The following LRP8 variants were observed in gnomAD, a reference collection of about 807,000 sequenced individuals.
LRP8 encodes the protein low-density lipoprotein receptor-related protein 8.
In LRP8, 46 loss-of-function variants were observed where a neutral mutation model predicts 111.6. The ratio of observed to expected loss-of-function variants is 0.41; its 90% CI spans 0.33 to 0.53. The LOEUF is 0.53. Ranked by LOEUF, LRP8 falls within the 20% of genes least tolerant of loss-of-function variation. The pLI is 0.20. For synonymous variants in LRP8, 464 were observed against 511.2 expected, an observed-to-expected ratio of 0.91 and a Z score of 1.24; for missense variants, 959 against 1,297.4, an observed-to-expected ratio of 0.74 and a Z score of 4.01.
At position 53,249,594 on chromosome 1, in the gene LRP8, C is replaced by T; in HGVS notation, c.2677-38G>A. ...TGGCACTGTGGATGACCTCTGAGGT[C>T]ACACTCAGCCCCCTGACTGTGCTGT... On this transcript the variant is annotated intron_variant, in intron 17 of 18. Coordinates refer to ENST00000306052, the MANE Select transcript of LRP8 (RefSeq NM_004631.5). This position sits in a 1 kb window ranked among gnomAD's most constrained non-coding sequence, Gnocchi z 4.1. 1 of 1,538,482 alleles carries T rather than the reference C, an allele frequency of 6.5e-7. No homozygotes were observed. Among genetic ancestry groups the T allele is most frequent in the Non-Finnish European group, 8.8e-7 (1 of 1,141,882 alleles).
intron 1 of LRP8, chr1:53,327,529 G>C (rs1186787363): frequency 1.4e-4 from 58 of 404,900 alleles, no homozygotes; most frequent in East Asian, 8.8e-5. Flanking sequence ...CCGCCCCTCC[G>C]GCAAAGTTCC....
rs534498405 is a variant in LRP8, at chr1:53,303,916, T to G, written c.245-14227A>C. On this transcript the variant is annotated intron_variant, in intron 2 of 18. Coordinates refer to ENST00000306052, the MANE Select transcript of LRP8 (RefSeq NM_004631.5). The surrounding 1 kb of genome is among the most constrained non-coding windows in gnomAD (Gnocchi z 4.3). ...AGGGAAATAAGCTCTCAACAGGAGA[T>G]CCCCACTTTGTACAAATGGATTTTT... Among the ~76,000 whole-genome samples the G allele has an allele frequency of 9.7e-4, 147 of 152,238 alleles. No individual in the cohort carries two copies. Among genetic ancestry groups the G allele is most frequent in the African/African-American group, 3.4e-3 (141 of 41,538 alleles).
intron 2 of LRP8, among the ~76,000 whole-genome samples, chr1:53,311,309 A>G (rs930545752): frequency 5.9e-5 from 9 of 152,076 alleles, no homozygotes; most frequent in Non-Finnish European, 1.0e-4. Flanking sequence ...GGACAGGGGC[A>G]TGGGCACGGC....
intron 2 of LRP8, among the ~76,000 whole-genome samples, chr1:53,324,068 A>G (rs1433731435): frequency 6.6e-6 from 1 of 152,210 alleles, no homozygotes; most frequent in African/African-American, 2.4e-5. Context: ...AGAGATGTAC[A>G]AAGGTGGGGC....
In LRP8 at chr1:53,266,444, G is replaced by A. The variant is rs745477746; in HGVS notation, c.1427+29C>T. 5.0e-6 allele frequency: 8 copies of A among 1,608,418 alleles called. No individual in the cohort carries two copies. In the African/African-American group the frequency reaches 5.3e-5, roughly 11 times the overall value. ...ACCACCCCTCACCCCCACTCTTCAT[G>A]CCTTGCTGCAGAGGATATGGCCGCT... On this transcript the variant is annotated intron_variant, in intron 9 of 18. Coordinates refer to ENST00000306052, the MANE Select transcript of LRP8 (RefSeq NM_004631.5). The surrounding 1 kb of genome is among the most constrained non-coding windows in gnomAD (Gnocchi z 5.0).
In LRP8 at chr1:53,305,609, T is replaced by G. The variant is rs191958572; in HGVS notation, c.245-15920A>C. The stretch of plus-strand genomic sequence containing the variant: ...ACCTGGCAGCCAGCGGGGCTCACAG[T>G]GCAGGCTACTTCAGAAGCCTCGTCC... On this transcript the variant is annotated intron_variant, in intron 2 of 18. Transcript: ENST00000306052. 2.1e-4 allele frequency among the ~76,000 whole-genome samples: 32 copies of G among 152,320 alleles called. No individual in the cohort carries two copies. The East Asian group carries it at 6.0e-3, about 28-fold the overall frequency.
At chr1:53,257,610 AT>A in intron 14 of LRP8, 146 bp from the exon 15 acceptor site, 1 of 637,738 alleles carries the variant, frequency 1.6e-6, no homozygotes, top group Non-Finnish European at 2.8e-6. Context: ...CCAGTGGGCT[AT>A]GATCTTTTCT....
intron 2 of LRP8, among the ~76,000 whole-genome samples, chr1:53,301,459 C>T (rs1400597214): frequency 2.6e-5 from 4 of 152,172 alleles, no homozygotes; most frequent in African/African-American, 4.8e-5. Context: ...TGGTGGCGCA[C>T]GCCTGTAATG....
chr1:53,281,843 A>G (rs1020063296), intron 3 of LRP8, among the ~76,000 whole-genome samples: 2 of 152,228 alleles, frequency 1.3e-5, no homozygotes, highest in Non-Finnish European at 2.9e-5. Context: ...GTTACCTACT[A>G]TGATTATCCA....
rs991916184 is a variant in LRP8 at position 53,244,586 on chromosome 1, G to C, written c.*2432C>G. 1 of 152,222 alleles carries C rather than the reference G, an allele frequency of 6.6e-6. No homozygotes were observed. Among genetic ancestry groups the C allele is most frequent in the Admixed American group, 6.5e-5 (1 of 15,284 alleles). 9.4% of individuals were successfully genotyped at this position (152,222 alleles called of 1,614,324 possible). On this transcript the variant is annotated 3_prime_UTR_variant, in exon 19 of 19. Transcript: ENST00000306052. ...CCATTGCTGCCTCTTTCAAACTGCAGTTGTAGCATATGCAGGAAACATGAA... is the reference window on the plus strand; with the variant it reads ...CCATTGCTGCCTCTTTCAAACTGCACTTGTAGCATATGCAGGAAACATGAA...
At chr1:53,312,426 A>G (rs1338645844) in intron 2 of LRP8, among the ~76,000 whole-genome samples, 1 of 152,168 alleles carries the variant, frequency 6.6e-6, no homozygotes, top group Non-Finnish European at 1.5e-5. Flanking sequence ...GTGCAGCGGC[A>G]TGACTATAGC....
intron 3 of LRP8, among the ~76,000 whole-genome samples, chr1:53,283,520 G>T (rs1377629390): frequency 8.4e-6 from 1 of 119,020 alleles, no homozygotes. Flanking sequence ...ACATACCCGG[G>T]CCACTTACTT....
At chr1:53,321,870 G>GA (rs2100549105) in intron 2 of LRP8, among the ~76,000 whole-genome samples, 1 of 152,212 alleles carries the variant, frequency 6.6e-6, no homozygotes, top group African/African-American at 2.4e-5. Context: ...CAGCCAGAGG[G>GA]AAGCCATCCG....
At chr1:53,260,440 G>A (rs1171389161) in intron 13 of LRP8, 24 bp downstream of exon 13, 1 of 1,612,206 alleles carries the variant, frequency 6.2e-7, no homozygotes, top group Non-Finnish European at 8.5e-7. Context: ...GGGGACCTGG[G>A]ACCTAGGACC....
chr1:53,289,760 C>T, intron 2 of LRP8, 71 bp from the exon 3 acceptor site: 1 of 1,586,296 alleles, frequency 6.3e-7, no homozygotes, highest in Non-Finnish European at 8.6e-7. Flanking sequence ...CCAGGATGTG[C>T]TTGGTCTGCA....
intron 2 of LRP8, among the ~76,000 whole-genome samples, chr1:53,312,336 C>A (rs949570372): frequency 1.1e-4 from 17 of 152,114 alleles, no homozygotes; most frequent in Admixed American, 2.0e-4. Flanking sequence ...TGAGTTCTCC[C>A]AAAAGGTGAG....
chr1:53,243,601 C>G lies in LRP8; in HGVS notation c.*3417G>C, dbSNP rs953469669. The G allele has an allele frequency of 2.0e-5, 3 of 152,228 alleles. No homozygotes were observed. Among genetic ancestry groups the G allele is most frequent in the African/African-American group, 7.2e-5 (3 of 41,466 alleles). 9.4% of individuals were successfully genotyped at this position (152,228 alleles called of 1,614,324 possible). A position where few individuals can be genotyped will look rare whatever the true frequency, so the allele number is the denominator to read the frequency against. Reference sequence around the variant, plus strand: ...TTTATAAAGTGCTTACATTGAATCTCTTTCCATACAGCCTCATTTCTTGCC... The same window carrying G: ...TTTATAAAGTGCTTACATTGAATCTGTTTCCATACAGCCTCATTTCTTGCC... On this transcript the variant is annotated 3_prime_UTR_variant, in exon 19 of 19. Coordinates refer to ENST00000306052, the MANE Select transcript of LRP8 (RefSeq NM_004631.5).
chr1:53,291,019 C>G (rs1266233591), intron 2 of LRP8, among the ~76,000 whole-genome samples: 1 of 152,158 alleles, frequency 6.6e-6, no homozygotes, highest in Non-Finnish European at 1.5e-5. Context: ...CGCTACAGAA[C>G]AAGGTGAGGA....
intron 3 of LRP8, 35 bp from the exon 4 acceptor site, chr1:53,280,750 AG>A: frequency 6.2e-7 from 1 of 1,604,794 alleles, no homozygotes; most frequent in African/African-American, 1.3e-5. Context: ...AGCTTAGCCA[AG>A]GGGGACACAG....
Sources: gnomAD v4.1 joint callset for allele counts (sites outside exome capture counted in the v4.1 genomes callset) on GRCh38, gnomAD v4.1.1 for gene constraint, Gnocchi (gnomAD v3.1) non-coding constraint, MANE v1.5 for transcripts, NCBI Gene and HGNC (gene_info 2026-07-23, HGNC 2026-07-21) for gene names.